Variants in KCNQ1 observed in about 807,000 individuals in gnomAD.
KCNQ1 encodes potassium voltage-gated channel subfamily Q member 1, also known as potassium voltage-gated channel subfamily KQT member 1.
KCNQ1 carries 49 observed loss-of-function variants against 72.4 expected under a neutral mutation model. The observed-to-expected ratio is 0.68, with a 90% CI of 0.54 to 0.86. The LOEUF is 0.86. Among genes scored for constraint, KCNQ1 ranks in the 40% least tolerant of loss-of-function variants. The pLI is 0.00. For synonymous variants in KCNQ1, 450 were observed against 412.6 expected (o/e 1.09, Z -1.10); for missense variants, 790 against 945.1 (o/e 0.84, Z 2.15).
chr11:2,501,663 A>G (rs1847011313), intron 1 of KCNQ1, among the ~76,000 whole-genome samples: 1 of 150,338 alleles, frequency 6.7e-6, no homozygotes, highest in Non-Finnish European at 1.5e-5. Flanking sequence ...GAATACCTCC[A>G]AACTCATCTA....
At chr11:2,778,426 G>A (rs548616532) in intron 15 of KCNQ1, among the ~76,000 whole-genome samples, 49 of 152,332 alleles carry the variant, frequency 3.2e-4, no homozygotes, top group African/African-American at 1.1e-3. Flanking sequence ...CTTCTCCTGG[G>A]CCCAGCTGTC....
At chr11:2,648,002 C>G (rs1849692539) in intron 10 of KCNQ1, 1 of 397,272 alleles carries the variant, frequency 2.5e-6, no homozygotes, top group Non-Finnish European at 4.4e-6. Context: ...TCGCTTGAGT[C>G]CAGGAGTTTG....
chr11:2,844,993 C>T (rs1228497530), intron 15 of KCNQ1, among the ~76,000 whole-genome samples: 2 of 152,208 alleles, frequency 1.3e-5, no homozygotes, highest in Non-Finnish European at 2.9e-5. Context: ...CAAAGACCCA[C>T]GCTGGCTGCA....
chr11:2,514,104 T>C (rs1211767585), intron 1 of KCNQ1, among the ~76,000 whole-genome samples: 1 of 152,178 alleles, frequency 6.6e-6, no homozygotes, highest in East Asian at 1.9e-4. Context: ...CCTCAGCTCC[T>C]GGCTTGGCCC....
rs1850988069 is a variant in KCNQ1, at chr11:2,710,701, ACAGTTAT to A, written c.1514+48622_1514+48628del. Among the ~76,000 whole-genome samples the A allele has an allele frequency of 6.6e-6, 1 of 152,206 alleles. No homozygotes were observed. The highest frequency in any genetic ancestry group is 2.4e-5 in the African/African-American group (1 of 41,450). ...ACTTTATTCTTTGTCATGTGGATAGACAGTTATCCCAACACCATTTGTTGAAAAGACT... is the reference window on the plus strand; with the variant it reads ...ACTTTATTCTTTGTCATGTGGATAGACCCAACACCATTTGTTGAAAAGACT... On this transcript the variant is annotated intron_variant, in intron 11 of 15. Coordinates refer to ENST00000155840, the MANE Select transcript of KCNQ1 (RefSeq NM_000218.3). This position sits in a 1 kb window ranked among gnomAD's most constrained non-coding sequence, Gnocchi z 4.1.
chr11:2,548,023 G>A (rs1040498096), intron 2 of KCNQ1, among the ~76,000 whole-genome samples: 9 of 152,184 alleles, frequency 5.9e-5, no homozygotes, highest in African/African-American at 2.2e-4. Flanking sequence ...TGGCGTGTGA[G>A]GGCTTGGGGC....
Position 2,733,832 on chromosome 11 carries a change from T to TCTCTCA in KCNQ1, c.1515-35007_1515-35006insACTCTC, listed in dbSNP as rs1564875354. Among the ~76,000 whole-genome samples, 3 of 33,900 alleles carry TCTCTCA rather than the reference T, an allele frequency of 8.8e-5. No individual in the cohort carries two copies. The East Asian group carries it at 1.5e-3, about 17-fold the overall frequency. 22.2% of individuals were successfully genotyped at this position (33,900 alleles called of 152,430 possible). On this transcript the variant is annotated intron_variant, in intron 11 of 15. Transcript: ENST00000155840. ...CACACACACTCTCTCACTCTCTCTC[T>TCTCTCA]CTCTCTCTCTCTCTCTCTCTCTCTC...
intron 11 of KCNQ1, chr11:2,681,772 C>T (rs1474667320): frequency 2.5e-6 from 1 of 398,380 alleles, no homozygotes; most frequent in Non-Finnish European, 4.4e-6. Flanking sequence ...GCCCTGGGAC[C>T]TGGGAGGACC....
chr11:2,506,034 A>T (rs1412463336), intron 1 of KCNQ1, among the ~76,000 whole-genome samples: 2 of 152,214 alleles, frequency 1.3e-5, no homozygotes, highest in Non-Finnish European at 1.5e-5. Flanking sequence ...ACTGCTAGTT[A>T]TATATCCAAA....
intron 1 of KCNQ1, among the ~76,000 whole-genome samples, chr11:2,489,491 C>G (rs762529236): frequency 2.6e-5 from 4 of 152,154 alleles, no homozygotes; most frequent in Non-Finnish European, 4.4e-5. Flanking sequence ...AACTGCAATT[C>G]CTAGGCAAGT....
intron 11 of KCNQ1, among the ~76,000 whole-genome samples, chr11:2,700,584 G>A (rs970462808): frequency 2.6e-5 from 4 of 152,154 alleles, no homozygotes; most frequent in African/African-American, 9.6e-5. Context: ...CCATGCAGGG[G>A]ATCGGGATGT....
At chr11:2,775,845 C>A in intron 12 of KCNQ1, 115 bp from the exon 13 acceptor site, 1 of 974,296 alleles carries the variant, frequency 1.0e-6, no homozygotes. Context: ...ACCACATAGG[C>A]GAGCTCCCAG....
chr11:2,628,064 T>C (rs1849289636), intron 10 of KCNQ1: 1 of 398,652 alleles, frequency 2.5e-6, no homozygotes, highest in African/African-American at 2.1e-5. Flanking sequence ...ACTATGTTGC[T>C]CATTTCTTGA....
rs1314302267 is a variant in KCNQ1 at position 2,735,492 on chromosome 11, G to A, written c.1515-33352G>A. 6.6e-6 allele frequency among the ~76,000 whole-genome samples: 1 copy of A among 151,922 alleles called. No homozygotes were observed. The highest frequency in any genetic ancestry group is 2.4e-5 in the African/African-American group (1 of 41,344). On this transcript the variant is annotated intron_variant, in intron 11 of 15. Coordinates refer to ENST00000155840, the MANE Select transcript of KCNQ1 (RefSeq NM_000218.3). The surrounding 1 kb of genome is among the most constrained non-coding windows in gnomAD (Gnocchi z 7.7). ...CTCCACTGCATTCAGCCACCGTCCT[G>A]AAGTGCCCCTCACCCACCCATCCAC...
chr11:2,677,448 T>C lies in KCNQ1; in HGVS notation c.1514+15367T>C. ...CAGGGGAGATGATAATTGATGCAGG[T>C]GGCCTCTTGGTCAAGCAGTGAAACC... On this transcript the variant is annotated intron_variant, in intron 11 of 15. Coordinates refer to ENST00000155840, the MANE Select transcript of KCNQ1 (RefSeq NM_000218.3). The surrounding 1 kb of genome is among the most constrained non-coding windows in gnomAD (Gnocchi z 4.5). 1 of 398,482 alleles carries C rather than the reference T, an allele frequency of 2.5e-6. No individual in the cohort carries two copies. Among genetic ancestry groups the C allele is most frequent in the Non-Finnish European group, 4.4e-6 (1 of 226,034 alleles). The allele number at this position is 398,482 out of a possible 1,614,324, so 24.7% of individuals were successfully genotyped here. A position where few individuals can be genotyped will look rare whatever the true frequency, so the allele number is the denominator to read the frequency against.
At chr11:2,472,342 G>T (rs1846496411) in intron 1 of KCNQ1, among the ~76,000 whole-genome samples, 1 of 151,316 alleles carries the variant, frequency 6.6e-6, no homozygotes, top group Non-Finnish European at 1.5e-5. Context: ...GCATGTCTGT[G>T]TGTGTTTGTG....
intron 1 of KCNQ1, among the ~76,000 whole-genome samples, chr11:2,500,487 A>G (rs1272415309): frequency 6.6e-6 from 1 of 152,166 alleles, no homozygotes; most frequent in Non-Finnish European, 1.5e-5. Flanking sequence ...AGGATCTAGA[A>G]CCCAAATACC....
rs188342602 is a variant in KCNQ1, at chr11:2,498,384, C to T, written c.387-29544C>T. 1.1e-3 allele frequency among the ~76,000 whole-genome samples: 173 copies of T among 152,348 alleles called. No individual in the cohort carries two copies. The highest frequency in any genetic ancestry group is 2.1e-3 in the Non-Finnish European group (140 of 68,044). On this transcript the variant is annotated intron_variant, in intron 1 of 15. Coordinates refer to ENST00000155840, the MANE Select transcript of KCNQ1 (RefSeq NM_000218.3). The surrounding 1 kb of genome is among the most constrained non-coding windows in gnomAD (Gnocchi z 4.8). Reference sequence around the variant, plus strand: ...CTGCCTTTCTTTCAGAGATGCCCTGCCCAGTGAGGAGGAATCTAGAGAAGC... The same window carrying T: ...CTGCCTTTCTTTCAGAGATGCCCTGTCCAGTGAGGAGGAATCTAGAGAAGC...
intron 10 of KCNQ1, chr11:2,639,696 A>T (rs1438631812): frequency 6.6e-6 from 1 of 152,214 alleles, no homozygotes; most frequent in African/African-American, 2.4e-5. Flanking sequence ...CCATTCTTAG[A>T]TCTCAAACTC....
Sources: gnomAD v4.1 joint callset for allele counts (sites outside exome capture counted in the v4.1 genomes callset) on GRCh38, gnomAD v4.1.1 for gene constraint, Gnocchi (gnomAD v3.1) non-coding constraint, MANE v1.5 for transcripts, NCBI Gene and HGNC (gene_info 2026-07-23, HGNC 2026-07-21) for gene names.